ENTREP2: variants seen among roughly 807,000 people sequenced by gnomAD.
ENTREP2 encodes endosomal transmembrane epsin interactor 2.
the ENTREP2 span, among the ~76,000 whole-genome samples, chr15:29,632,121 G>T: frequency 6.6e-6 from 1 of 152,168 alleles, no homozygotes; most frequent in South Asian, 2.1e-4. Flanking sequence ...GTTCTGGATT[G>T]CAGGCTTCTC....
chr15:29,338,418 T>C, the ENTREP2 span, among the ~76,000 whole-genome samples: 1 of 121,498 alleles, frequency 8.2e-6, no homozygotes, highest in Admixed American at 9.0e-5. Context: ...AGAGCGAGAC[T>C]CCATCTCAAA....
chr15:29,646,102 G>A, the ENTREP2 span, among the ~76,000 whole-genome samples: 2 of 152,230 alleles, frequency 1.3e-5, no homozygotes, highest in Non-Finnish European at 2.9e-5. Flanking sequence ...AAGGCCATAA[G>A]AGTGCTTGGC....
the ENTREP2 span, among the ~76,000 whole-genome samples, chr15:29,471,736 T>C: frequency 6.6e-6 from 1 of 152,208 alleles, no homozygotes; most frequent in East Asian, 1.9e-4. Flanking sequence ...GCCCTGGGTG[T>C]TTCTTTGAAA....
At chr15:29,141,710 C>A in the ENTREP2 span, among the ~76,000 whole-genome samples, 1 of 152,228 alleles carries the variant, frequency 6.6e-6, no homozygotes, top group Non-Finnish European at 1.5e-5. Flanking sequence ...CAGGGAAGGG[C>A]CTTCTCCCTC....
the ENTREP2 span, among the ~76,000 whole-genome samples, chr15:29,605,185 G>A: frequency 6.6e-6 from 1 of 152,150 alleles, no homozygotes; most frequent in African/African-American, 2.4e-5. Flanking sequence ...ATGGCAAATG[G>A]CAAATGTAAA....
At chr15:29,329,670 G>T in the ENTREP2 span, among the ~76,000 whole-genome samples, 2 of 152,176 alleles carry the variant, frequency 1.3e-5, no homozygotes, top group African/African-American at 4.8e-5. Context: ...CATACAAAAT[G>T]AGCCAGGAAC....
chr15:29,374,257 T>G, the ENTREP2 span: 5 of 152,294 alleles, frequency 3.3e-5, no homozygotes, highest in Non-Finnish European at 7.4e-5. Context: ...GTCCCATCTA[T>G]TCTTTGTTTC....
the ENTREP2 span, chr15:29,136,466 C>T: frequency 1.9e-6 from 3 of 1,548,022 alleles, no homozygotes; most frequent in African/African-American, 2.7e-5. Context: ...ATACAAAGTG[C>T]CGAATGGAGA....
At chr15:29,656,969 G>T in the ENTREP2 span, among the ~76,000 whole-genome samples, 1 of 152,190 alleles carries the variant, frequency 6.6e-6, no homozygotes, top group Non-Finnish European at 1.5e-5. Flanking sequence ...TTGTGATTAT[G>T]TGTCTGCAGT....
At chr15:29,500,315 C>A in the ENTREP2 span, among the ~76,000 whole-genome samples, 2 of 152,100 alleles carry the variant, frequency 1.3e-5, no homozygotes, top group African/African-American at 2.4e-5. Flanking sequence ...ATACATGGAA[C>A]ATTTTCCTGA....
the ENTREP2 span, among the ~76,000 whole-genome samples, chr15:29,179,441 G>A: frequency 1.3e-5 from 2 of 152,212 alleles, no homozygotes; most frequent in African/African-American, 4.8e-5. Flanking sequence ...TCTGAGCAAT[G>A]GGAAGCCATT....
the ENTREP2 span, among the ~76,000 whole-genome samples, chr15:29,206,242 AG>A: frequency 6.6e-6 from 1 of 152,160 alleles, no homozygotes; most frequent in Admixed American, 6.5e-5. Context: ...CTGGCAGAAG[AG>A]ACAAGGCAGT....
chr15:29,477,363 C>A, the ENTREP2 span, among the ~76,000 whole-genome samples: 84 of 152,122 alleles, frequency 5.5e-4, no homozygotes, highest in Non-Finnish European at 9.7e-4. Context: ...CTGAGCTATA[C>A]ACTCAACTGT....
At chr15:29,225,869 C>T in the ENTREP2 span, among the ~76,000 whole-genome samples, 19 of 152,344 alleles carry the variant, frequency 1.2e-4, no homozygotes, top group African/African-American at 4.3e-4. Context: ...AGGCCAGGTG[C>T]TCAGAGAGGT....
At chr15:29,404,313 G>A in the ENTREP2 span, among the ~76,000 whole-genome samples, 1 of 152,050 alleles carries the variant, frequency 6.6e-6, no homozygotes, top group East Asian at 1.9e-4. Flanking sequence ...TGGACAACTC[G>A]TGCCATGCTG....
chr15:29,236,194 C>T, the ENTREP2 span, among the ~76,000 whole-genome samples: 3 of 152,078 alleles, frequency 2.0e-5, no homozygotes, highest in Non-Finnish European at 4.4e-5. Flanking sequence ...TAACTACAGA[C>T]CCTGCAGACA....
the ENTREP2 span, among the ~76,000 whole-genome samples, chr15:29,360,273 T>G: frequency 3.3e-5 from 5 of 152,202 alleles, no homozygotes; most frequent in Admixed American, 6.5e-5. Context: ...CTAGTGACAC[T>G]TCATTTATTA....
chr15:29,615,922 A>C, the ENTREP2 span, among the ~76,000 whole-genome samples: 1 of 152,208 alleles, frequency 6.6e-6, no homozygotes, highest in Non-Finnish European at 1.5e-5. Context: ...CTAGAAGCTC[A>C]AAGTGTGGGC....
chr15:29,455,526 T>C, the ENTREP2 span, among the ~76,000 whole-genome samples: 2 of 152,236 alleles, frequency 1.3e-5, no homozygotes, highest in African/African-American at 4.8e-5. Context: ...TTTTAATCCA[T>C]AGGAAACTTA....
Sources: allele counts gnomAD v4.1 joint callset (sites outside exome capture counted in the v4.1 genomes callset), GRCh38; gene constraint gnomAD v4.1.1; transcripts MANE v1.5; gene names NCBI Gene and HGNC (gene_info 2026-07-23, HGNC 2026-07-21).